The following LRRC37A2 variants were observed in gnomAD, a reference collection of about 807,000 sequenced individuals.
LRRC37A2 encodes the protein leucine rich repeat containing 37 member A2, also known as leucine-rich repeat-containing protein 37A2.
Under a neutral mutation model 68.8 loss-of-function variants are expected in LRRC37A2, and 9 were observed. That is an observed-to-expected ratio of 0.13 (90% CI 0.08 to 0.23). The LOEUF (loss-of-function observed/expected upper bound fraction) is 0.23, where lower values mean the gene tolerates loss of function less well. Among genes scored for constraint, LRRC37A2 ranks in the 10% least tolerant of loss-of-function variants. LRRC37A2 has a pLI of 1.00. For missense variants in LRRC37A2, 168 were observed against 950.4 expected (o/e 0.18, Z 10.82); for synonymous variants, 63 against 367.6 (o/e 0.17, Z 9.48).
the LRRC37A2 span, among the ~76,000 whole-genome samples, chr17:46,493,122 C>T: frequency 1.4e-5 from 2 of 142,940 alleles, no homozygotes; most frequent in East Asian, 4.0e-4. Flanking sequence ...TTTGATTTGC[C>T]ATCTGTATAT....
At chr17:46,463,807 G>C in the LRRC37A2 span, among the ~76,000 whole-genome samples, 1 of 85,236 alleles carries the variant, frequency 1.2e-5, no homozygotes, top group Non-Finnish European at 2.5e-5. Flanking sequence ...AAAATAAAAT[G>C]AATAATAGAT....
At chr17:46,934,718 C>T in the LRRC37A2 span, among the ~76,000 whole-genome samples, 1 of 152,118 alleles carries the variant, frequency 6.6e-6, no homozygotes. Context: ...TAGGAGACAC[C>T]CAATGAGGTC....
chr17:46,709,954 G>A, the LRRC37A2 span, among the ~76,000 whole-genome samples: 1 of 152,188 alleles, frequency 6.6e-6, no homozygotes, highest in African/African-American at 2.4e-5. Context: ...TACGTAAAAA[G>A]TGGTCTGAAA....
At chr17:46,946,193 T>C in the LRRC37A2 span, among the ~76,000 whole-genome samples, 1 of 150,252 alleles carries the variant, frequency 6.7e-6, no homozygotes, top group Non-Finnish European at 1.5e-5. Flanking sequence ...CCCAGCACTT[T>C]GGGAGGCCGA....
At chr17:46,867,600 A>G in the LRRC37A2 span, among the ~76,000 whole-genome samples, 1 of 152,208 alleles carries the variant, frequency 6.6e-6, no homozygotes, top group Non-Finnish European at 1.5e-5. Flanking sequence ...CGGTGGACAG[A>G]GCAGTCTCCT....
chr17:46,859,607 GT>G, the LRRC37A2 span, among the ~76,000 whole-genome samples: 93 of 152,208 alleles, frequency 6.1e-4, no homozygotes, highest in African/African-American at 2.1e-3. Context: ...TTTATGTTAA[GT>G]CTTGAAACTA....
the LRRC37A2 span, among the ~76,000 whole-genome samples, chr17:46,909,294 G>A: frequency 0.019 from 2,830 of 152,280 alleles, 74 homozygotes; most frequent in African/African-American, 0.065. Context: ...GCTTCCCAAA[G>A]TGCCGGGATT....
At chr17:46,794,860 C>T in the LRRC37A2 span, among the ~76,000 whole-genome samples, 2 of 151,308 alleles carry the variant, frequency 1.3e-5, no homozygotes, top group African/African-American at 4.9e-5. Context: ...AAGTGATTCT[C>T]GTGCCTCAGC....
At chr17:46,489,850 T>A in the LRRC37A2 span, among the ~76,000 whole-genome samples, 4 of 151,074 alleles carry the variant, frequency 2.6e-5, 1 homozygote, top group East Asian at 7.8e-4. Context: ...TTAGCAGTTG[T>A]TCTTGGATAC....
the LRRC37A2 span, among the ~76,000 whole-genome samples, chr17:46,855,114 G>A: frequency 3.9e-5 from 6 of 152,196 alleles, no homozygotes; most frequent in East Asian, 1.2e-3. Flanking sequence ...GGTGGGGGAG[G>A]TTGAATAGAA....
chr17:46,966,623 A>G, the LRRC37A2 span: 2 of 677,676 alleles, frequency 3.0e-6, no homozygotes. Context: ...TGCTGGGATT[A>G]TAGGTATGAG....
At chr17:46,884,447 T>C in the LRRC37A2 span, among the ~76,000 whole-genome samples, 1 of 152,060 alleles carries the variant, frequency 6.6e-6, no homozygotes, top group Non-Finnish European at 1.5e-5. Context: ...ATCCTCAAGC[T>C]CTGCTTCTCA....
chr17:46,919,951 AAAAG>A, the LRRC37A2 span, among the ~76,000 whole-genome samples: 227 of 152,246 alleles, frequency 1.5e-3, 1 homozygote, highest in Middle Eastern at 6.8e-3. Flanking sequence ...CATCTCAAAA[AAAAG>A]AAAGAAAGAA....
At chr17:46,788,734 GCCCTGCGAGGACCT>G in the LRRC37A2 span, among the ~76,000 whole-genome samples, 2,425 of 152,130 alleles carry the variant, frequency 0.016, 46 homozygotes, top group African/African-American at 0.05. Flanking sequence ...AGGTGCAGTG[GCCCTGCGAGGACCT>G]CCCTGCGAGG....
the LRRC37A2 span, chr17:46,711,211 CT>C: frequency 8.2e-7 from 1 of 1,216,372 alleles, no homozygotes; most frequent in Non-Finnish European, 1.1e-6. Flanking sequence ...AAAGTGAATT[CT>C]TTTTCGTTTT....
At chr17:46,847,147 C>G in the LRRC37A2 span, among the ~76,000 whole-genome samples, 3 of 152,234 alleles carry the variant, frequency 2.0e-5, no homozygotes, top group Non-Finnish European at 4.4e-5. Context: ...ACCTCCAAGG[C>G]AGCCCCTATT....
the LRRC37A2 span, among the ~76,000 whole-genome samples, chr17:46,900,170 T>TATAC: frequency 6.4e-3 from 162 of 25,174 alleles, no homozygotes; most frequent in South Asian, 0.016. Flanking sequence ...TACATATACA[T>TATAC]ATATATATAT....
the LRRC37A2 span, among the ~76,000 whole-genome samples, chr17:46,949,813 T>A: frequency 6.6e-6 from 1 of 151,858 alleles, no homozygotes; most frequent in African/African-American, 2.4e-5. Context: ...AGCAAAGGGG[T>A]GTGCTCTGGG....
the LRRC37A2 span, among the ~76,000 whole-genome samples, chr17:46,949,556 C>T: frequency 6.6e-6 from 1 of 152,152 alleles, no homozygotes; most frequent in East Asian, 1.9e-4. Context: ...GGTGGGTGGC[C>T]ATCTTTGGAG....
Sources: allele counts gnomAD v4.1 joint callset (sites outside exome capture counted in the v4.1 genomes callset), GRCh38; gene constraint gnomAD v4.1.1; transcripts MANE v1.5; gene names NCBI Gene and HGNC (gene_info 2026-07-23, HGNC 2026-07-21).